Variants in SOS1 observed in about 807,000 individuals in gnomAD.
SOS1 encodes the protein son of sevenless homolog 1.
A neutral mutation model predicts 157.6 loss-of-function variants in SOS1; 25 were observed. The observed-to-expected ratio is 0.16, with a 90% CI of 0.12 to 0.22. The LOEUF is 0.22. Ranked by LOEUF, SOS1 falls within the 10% of genes least tolerant of loss-of-function variation. SOS1 has a pLI of 1.00. For missense variants in SOS1, 1,237 were observed against 1,599.1 expected (o/e 0.77, Z 3.86); for synonymous variants, 528 against 534.0 (o/e 0.99, Z 0.16).
intron 5 of SOS1, 147 bp downstream of exon 5, chr2:39,054,467 T>C (rs1176496441): frequency 3.2e-6 from 2 of 616,458 alleles, no homozygotes; most frequent in Non-Finnish European, 5.7e-6. Flanking sequence ...CTTGAAACTG[T>C]TGTAAAACTT....
intron 8 of SOS1, among the ~76,000 whole-genome samples, chr2:39,030,959 C>G (rs760508795): frequency 6.6e-6 from 1 of 152,088 alleles, no homozygotes; most frequent in Non-Finnish European, 1.5e-5. Flanking sequence ...GTGATGGCAT[C>G]TATAAGCCAA....
chr2:39,115,856 GA>G (rs1230831132), intron 1 of SOS1, among the ~76,000 whole-genome samples: 1 of 152,178 alleles, frequency 6.6e-6, no homozygotes, highest in Non-Finnish European at 1.5e-5. Flanking sequence ...GAGATGCCAT[GA>G]ACATTCATGT....
At chr2:39,091,584 G>T (rs1457182489) in intron 1 of SOS1, among the ~76,000 whole-genome samples, 4 of 142,004 alleles carry the variant, frequency 2.8e-5, no homozygotes, top group African/African-American at 1.1e-4. Context: ...GCATATAAAA[G>T]AACTCGAAAA....
At chr2:39,013,369 A>T in intron 13 of SOS1, 91 bp downstream of exon 13, 1 of 829,688 alleles carries the variant, frequency 1.2e-6, no homozygotes, top group Non-Finnish European at 2.1e-6. Flanking sequence ...TAAACATCTT[A>T]CATTACTGAG....
intron 1 of SOS1, among the ~76,000 whole-genome samples, chr2:39,115,269 C>A (rs1673601551): frequency 6.6e-6 from 1 of 152,168 alleles, no homozygotes; most frequent in Admixed American, 6.5e-5. Context: ...CACTGATCTG[C>A]ACTAGTTTGC....
intron 1 of SOS1, among the ~76,000 whole-genome samples, chr2:39,114,303 TTTTTTTTC>T (rs1263356837): frequency 2.0e-5 from 3 of 151,220 alleles, no homozygotes; most frequent in Non-Finnish European, 3.0e-5. Context: ...CTTTTCTTTT[TTTTTTTTC>T]TTTTTTTCTG....
intron 1 of SOS1, among the ~76,000 whole-genome samples, chr2:39,081,553 G>A (rs894613916): frequency 2.1e-4 from 32 of 151,848 alleles, no homozygotes; most frequent in Non-Finnish European, 4.1e-4. Context: ...TGCCAAGCAC[G>A]GTAGCTTACG....
At chr2:39,061,249 TAAA>T (rs68086036) in intron 2 of SOS1, among the ~76,000 whole-genome samples, 3,575 of 117,432 alleles carry the variant, frequency 0.03, 64 homozygotes, top group Non-Finnish European at 0.042. Flanking sequence ...TTCGTAGGGT[TAAA>T]AAAAAAAAAA....
intron 1 of SOS1, among the ~76,000 whole-genome samples, chr2:39,085,246 C>G (rs1672332335): frequency 6.6e-6 from 1 of 152,120 alleles, no homozygotes; most frequent in Non-Finnish European, 1.5e-5. Flanking sequence ...GGGTGTCTCA[C>G]TATGTTGCTG....
chr2:39,080,058 C>T (rs1418680382), intron 1 of SOS1, among the ~76,000 whole-genome samples: 1 of 151,926 alleles, frequency 6.6e-6, no homozygotes, highest in African/African-American at 2.4e-5. Flanking sequence ...AAGTGCATTA[C>T]ATTTATTGTT....
chr2:39,079,629 G>C (rs1299589368), intron 1 of SOS1, among the ~76,000 whole-genome samples: 1 of 151,104 alleles, frequency 6.6e-6, no homozygotes, highest in Non-Finnish European at 1.5e-5. Context: ...TCAGTAGCTG[G>C]GATTACAGGC....
chr2:39,044,184 C>G (rs868434548), intron 6 of SOS1, among the ~76,000 whole-genome samples: 5 of 152,254 alleles, frequency 3.3e-5, no homozygotes, highest in South Asian at 2.1e-4. Flanking sequence ...TGGCAAAACC[C>G]TGTCTCTACT....
chr2:39,059,523 TTG>T (rs1256813383), intron 2 of SOS1, among the ~76,000 whole-genome samples: 2 of 152,174 alleles, frequency 1.3e-5, no homozygotes, highest in Non-Finnish European at 2.9e-5. Context: ...AAAAATCCAC[TTG>T]CAGGATACCA....
rs1234203172 is a variant in SOS1 at position 38,984,127 on chromosome 2, T to C, written c.*1697A>G. 2.6e-5 allele frequency: 4 copies of C among 152,296 alleles called. No individual in the cohort carries two copies. The East Asian group carries it at 5.8e-4, about 22-fold the overall frequency. The allele number at this position is 152,296 out of a possible 1,614,324, so 9.4% of individuals were successfully genotyped here. A position where few individuals can be genotyped will look rare whatever the true frequency, so the allele number is the denominator to read the frequency against. On this transcript the variant is annotated 3_prime_UTR_variant, in exon 23 of 23. Coordinates refer to ENST00000402219, the MANE Select transcript of SOS1 (RefSeq NM_005633.4). Reference sequence around the variant, plus strand: ...TAGGTTCCCACCATGTTGCAGCACTTCTAAAAATGTCTCTAATGGTGTGGT... The same window carrying C: ...TAGGTTCCCACCATGTTGCAGCACTCCTAAAAATGTCTCTAATGGTGTGGT...
rs541250253 is a variant in SOS1, at chr2:39,106,974, T to A, written c.87+13362A>T. The stretch of plus-strand genomic sequence containing the variant: ...TATTAAGTATTTAATTACATAAACA[T>A]TGAATATGAATGCAAAGTTTATATG... On this transcript the variant is annotated intron_variant, in intron 1 of 22. Coordinates refer to ENST00000402219, the MANE Select transcript of SOS1 (RefSeq NM_005633.4). Among the ~76,000 whole-genome samples the A allele has an allele frequency of 1.8e-4, 27 of 152,352 alleles. No homozygotes were observed. In the South Asian group the frequency reaches 5.6e-3, roughly 32 times the overall value.
chr2:39,066,207 C>G (rs897157336), intron 2 of SOS1, among the ~76,000 whole-genome samples: 1 of 152,134 alleles, frequency 6.6e-6, no homozygotes, highest in East Asian at 1.9e-4. Context: ...TGTGTTGTGT[C>G]CTGAAAAGGT....
At chr2:39,113,841 T>G (rs1673534288) in intron 1 of SOS1, among the ~76,000 whole-genome samples, 1 of 152,230 alleles carries the variant, frequency 6.6e-6, no homozygotes, top group African/African-American at 2.4e-5. Flanking sequence ...TACCCAATCT[T>G]GAATCTCTTT....
intron 17 of SOS1, among the ~76,000 whole-genome samples, chr2:39,005,103 C>T (rs186962435): frequency 6.6e-6 from 1 of 152,160 alleles, no homozygotes; most frequent in African/African-American, 2.4e-5. Flanking sequence ...AGTACTAAAC[C>T]CTATACATAC....
chr2:39,020,076 C>G (rs1427962526), intron 10 of SOS1, among the ~76,000 whole-genome samples: 1 of 151,500 alleles, frequency 6.6e-6, no homozygotes, highest in Admixed American at 6.6e-5. Context: ...AAAATATACT[C>G]TATTTAGAGT....
Sources: allele counts gnomAD v4.1 joint callset (sites outside exome capture counted in the v4.1 genomes callset), GRCh38; gene constraint gnomAD v4.1.1; transcripts MANE v1.5; gene names NCBI Gene and HGNC (gene_info 2026-07-23, HGNC 2026-07-21).